KPNA1: variants seen among roughly 807,000 people sequenced by gnomAD.
KPNA1 encodes the protein karyopherin subunit alpha 1.
KPNA1 carries 10 observed loss-of-function variants against 70.5 expected under a neutral mutation model. The ratio of observed to expected loss-of-function variants is 0.14; its 90% CI spans 0.09 to 0.24. KPNA1 has a LOEUF of 0.24. KPNA1 is among the 10% of genes least tolerant of loss of function. The pLI, the probability that KPNA1 is intolerant of heterozygous loss-of-function variation, is 1.00. For synonymous variants in KPNA1, 192 were observed against 221.9 expected (o/e 0.87, Z 1.20); for missense variants, 397 against 637.9 (o/e 0.62, Z 4.07).
intron 12 of KPNA1, among the ~76,000 whole-genome samples, chr3:122,432,124 T>C (rs193011920): frequency 6.6e-6 from 1 of 152,298 alleles, no homozygotes; most frequent in East Asian, 1.9e-4. Context: ...ATTAAGAAAA[T>C]ATATTTGCTA....
At position 122,437,262 on chromosome 3, in the gene KPNA1, A is replaced by C. The variant is rs2076001527; in HGVS notation, c.1030T>G (p.Leu344Val). 1.2e-6 allele frequency: 2 copies of C among 1,613,826 alleles called. No homozygotes were observed. The highest frequency in any genetic ancestry group is 1.7e-6 in the Non-Finnish European group (2 of 1,179,780). ...TCCTTTGGGCTACTCAGCAAATGCAATAAACTCTGCAGAGCTGAGCAATTC... is the reference window on the plus strand; with the variant it reads ...TCCTTTGGGCTACTCAGCAAATGCACTAAACTCTGCAGAGCTGAGCAATTC... ...ILNCSALQSL[L>V]HLLSSPKESI... The change falls in exon 11 of 14, where the codon TTG (leucine) becomes GTG (valine). Residue 344 changes from leucine to valine, a missense_variant. Physicochemically the swap from Leu to Val is conservative, Grantham distance 32. Coordinates refer to ENST00000344337, the MANE Select transcript of KPNA1 (RefSeq NM_002264.4).
At chr3:122,498,721 G>C (rs1052258161) in intron 1 of KPNA1, among the ~76,000 whole-genome samples, 5 of 152,014 alleles carry the variant, frequency 3.3e-5, no homozygotes, top group African/African-American at 1.2e-4. Context: ...TTTCAAGATT[G>C]TTTTGGCTAT....
chr3:122,459,362 G>T, intron 5 of KPNA1: 1 of 925,362 alleles, frequency 1.1e-6, no homozygotes, highest in Non-Finnish European at 1.3e-6. Context: ...AGTAAATTCA[G>T]TATCTCTCAT....
chr3:122,477,984 A>T (rs1485737613), intron 2 of KPNA1, among the ~76,000 whole-genome samples: 1 of 151,858 alleles, frequency 6.6e-6, no homozygotes, highest in Non-Finnish European at 1.5e-5. Context: ...CAACATGGTG[A>T]AACCCCGTCT....
At chr3:122,472,429 A>C (rs779615863) in intron 2 of KPNA1, among the ~76,000 whole-genome samples, 5 of 152,206 alleles carry the variant, frequency 3.3e-5, no homozygotes, top group Admixed American at 6.5e-5. Flanking sequence ...CTATGGGATG[A>C]CGTGAAAGCA....
chr3:122,446,847 G>A (rs984054475), intron 9 of KPNA1, among the ~76,000 whole-genome samples: 43 of 152,172 alleles, frequency 2.8e-4, no homozygotes, highest in Non-Finnish European at 4.6e-4. Flanking sequence ...TATCACCACC[G>A]ATCCCACAGA....
rs2075840166 is a variant in KPNA1, at chr3:122,427,712, G to C, written c.1255C>G (p.Leu419Val). 2 of 1,571,884 alleles carry C rather than the reference G, an allele frequency of 1.3e-6. No homozygotes were observed. Among genetic ancestry groups the C allele is most frequent in the South Asian group, 2.4e-5 (2 of 83,774 alleles). The change falls in exon 13 of 14, where the codon CTA becomes GTA. Residue 419 changes from leucine to valine, a missense_variant. Coordinates refer to ENST00000344337, the MANE Select transcript of KPNA1 (RefSeq NM_002264.4). Reference sequence around the variant, plus strand: ...GGCTTGATACAACCCAGTTCTACTAGGTACCTAAATACAAAGAATAATGTA... The same window carrying C: ...GGCTTGATACAACCCAGTTCTACTACGTACCTAAATACAAAGAATAATGTA... The part of the protein sequence containing the change: ...SGGSAEQIKY[L>V]VELGCIKPLC...
At chr3:122,485,593 A>G (rs1269820913) in intron 2 of KPNA1, among the ~76,000 whole-genome samples, 2 of 152,226 alleles carry the variant, frequency 1.3e-5, no homozygotes, top group Non-Finnish European at 2.9e-5. Flanking sequence ...CTAGCAAAAG[A>G]CATATCTAGA....
chr3:122,482,573 T>C (rs145844336), intron 2 of KPNA1, among the ~76,000 whole-genome samples: 98 of 152,310 alleles, frequency 6.4e-4, no homozygotes, highest in African/African-American at 2.2e-3. Flanking sequence ...CTTTTATCTG[T>C]AGATGACATG....
chr3:122,455,514 C>T (rs373845416), intron 5 of KPNA1, among the ~76,000 whole-genome samples: 38 of 152,254 alleles, frequency 2.5e-4, no homozygotes, highest in African/African-American at 7.9e-4. Flanking sequence ...CCTTTCAGTA[C>T]GTCTGAATTA....
chr3:122,434,538 A>G (rs199611493), intron 11 of KPNA1, among the ~76,000 whole-genome samples: 1 of 152,160 alleles, frequency 6.6e-6, no homozygotes, highest in Non-Finnish European at 1.5e-5. Flanking sequence ...TCTGCCCGCT[A>G]TATCAAGTTT....
intron 13 of KPNA1, 72 bp downstream of exon 13, chr3:122,427,466 T>C (rs960744108): frequency 4.9e-6 from 7 of 1,422,736 alleles, no homozygotes; most frequent in East Asian, 2.3e-5. Context: ...AGTAGTAGTA[T>C]TGTTTTTACT....
At chr3:122,508,740 C>A (rs2076919238) in intron 1 of KPNA1, among the ~76,000 whole-genome samples, 1 of 152,150 alleles carries the variant, frequency 6.6e-6, no homozygotes, top group Non-Finnish European at 1.5e-5. Context: ...CAGCTACTCT[C>A]TTCACCCTTC....
At chr3:122,460,047 C>A in intron 5 of KPNA1, 1 of 985,326 alleles carries the variant, frequency 1.0e-6, no homozygotes, top group Non-Finnish European at 1.2e-6. Flanking sequence ...TAGTTTTTGG[C>A]AAATATTTAC....
rs1282868547 is a variant in KPNA1 at position 122,437,378 on chromosome 3, A to G, written c.997-83T>C. ...ACTTAAGGAACACATTTTATGAAAGACATAACATCTCCCCTTGAAATTTTA... is the reference window on the plus strand; with the variant it reads ...ACTTAAGGAACACATTTTATGAAAGGCATAACATCTCCCCTTGAAATTTTA... On this transcript the variant is annotated intron_variant, in intron 10 of 13. Transcript: ENST00000344337. The G allele has an allele frequency of 3.1e-6, 3 of 969,488 alleles. No homozygotes were observed. In the Admixed American group the frequency reaches 9.0e-5, roughly 29 times the overall value. The allele number at this position is 969,488 out of a possible 1,614,324, so 60.1% of individuals were successfully genotyped here.
At chr3:122,431,063 T>A (rs1160522198) in intron 12 of KPNA1, among the ~76,000 whole-genome samples, 1 of 152,234 alleles carries the variant, frequency 6.6e-6, no homozygotes, top group Non-Finnish European at 1.5e-5. Context: ...GTTTCTCTAA[T>A]TTCAGTTAAT....
chr3:122,498,849 G>T (rs182884316), intron 1 of KPNA1, among the ~76,000 whole-genome samples: 1 of 152,030 alleles, frequency 6.6e-6, no homozygotes, highest in African/African-American at 2.4e-5. Flanking sequence ...GGGAAATACC[G>T]GCACCTTAAT....
rs114615512 is a variant in KPNA1 at position 122,465,914 on chromosome 3, C to T, written c.237+1408G>A. Reference sequence around the variant, plus strand: ...GCCAGTGTGCCCTACAGATTTCACACTTGCCAGCTCCCAAAGACACGAGCC... The same window carrying T: ...GCCAGTGTGCCCTACAGATTTCACATTTGCCAGCTCCCAAAGACACGAGCC... On this transcript the variant is annotated intron_variant, in intron 3 of 13. Coordinates refer to ENST00000344337, the MANE Select transcript of KPNA1 (RefSeq NM_002264.4). Among the ~76,000 whole-genome samples the T allele has an allele frequency of 6.7e-3, 1,018 of 152,350 alleles. 5 individuals are homozygous for T. Among genetic ancestry groups the T allele is most frequent in the African/African-American group, 0.023 (974 of 41,584 alleles).
rs941642101 is a variant in KPNA1, at chr3:122,424,937, C to A, written c.*2048G>T. On this transcript the variant is annotated 3_prime_UTR_variant, in exon 14 of 14. Transcript: ENST00000344337. ...CATTGAAATTTCTTCTTTAAATTAA[C>A]CACCTAATTTATCCCTAAAATTACA... 1.3e-5 allele frequency: 2 copies of A among 152,618 alleles called. No homozygotes were observed. Among genetic ancestry groups the A allele is most frequent in the Non-Finnish European group, 2.9e-5 (2 of 68,034 alleles). 9.5% of individuals were successfully genotyped at this position (152,618 alleles called of 1,614,324 possible). A position where few individuals can be genotyped will look rare whatever the true frequency, so the allele number is the denominator to read the frequency against.
Sources: gnomAD v4.1 joint callset for allele counts (sites outside exome capture counted in the v4.1 genomes callset) on GRCh38, gnomAD v4.1.1 for gene constraint, MANE v1.5 for transcripts, NCBI Gene and HGNC (gene_info 2026-07-23, HGNC 2026-07-21) for gene names.